Variants in RIT2 observed in about 807,000 individuals in gnomAD.
RIT2 encodes the protein Ras like without CAAX 2, also known as GTP-binding protein Rit2.
RIT2 carries 24 observed loss-of-function variants against 23.7 expected under a neutral mutation model. The observed-to-expected ratio is 1.01, with a 90% CI of 0.73 to 1.43. The LOEUF (loss-of-function observed/expected upper bound fraction) is 1.43, where lower values mean the gene tolerates loss of function less well. RIT2 is among the 40% of genes most tolerant of loss of function. The probability of loss-of-function intolerance (pLI) is 0.00; values close to 1 mark genes in which losing one functional copy is unlikely to be tolerated. For missense variants in RIT2, 236 were observed against 266.9 expected (o/e 0.88, Z 0.81); for synonymous variants, 107 against 91.1 (o/e 1.17, Z -0.99).
At chr18:42,775,140 G>A (rs1380559842) in intron 4 of RIT2, among the ~76,000 whole-genome samples, 1 of 152,104 alleles carries the variant, frequency 6.6e-6, no homozygotes, top group Non-Finnish European at 1.5e-5. Context: ...TCTGACATAT[G>A]CAACCTTCAC....
chr18:42,981,923 T>C (rs993425771), intron 2 of RIT2, among the ~76,000 whole-genome samples: 7 of 152,098 alleles, frequency 4.6e-5, no homozygotes, highest in African/African-American at 1.7e-4. Context: ...TCACAAAGGT[T>C]GTTCATTGTG....
At chr18:43,000,176 G>A (rs1911071620) in intron 2 of RIT2, among the ~76,000 whole-genome samples, 1 of 152,174 alleles carries the variant, frequency 6.6e-6, no homozygotes, top group East Asian at 1.9e-4. Context: ...TGTCTACACT[G>A]ATAAATGGTA....
chr18:42,892,200 C>T (rs1178157025), intron 4 of RIT2, among the ~76,000 whole-genome samples: 1 of 152,140 alleles, frequency 6.6e-6, no homozygotes, highest in Admixed American at 6.6e-5. Flanking sequence ...GTAGCACTTC[C>T]TACCTAGAGT....
intron 4 of RIT2, among the ~76,000 whole-genome samples, chr18:42,852,887 G>A (rs1907093732): frequency 6.8e-6 from 1 of 147,942 alleles, no homozygotes; most frequent in Non-Finnish European, 1.5e-5. Flanking sequence ...AGGCTGGAAT[G>A]CAGTGGTGCA....
chr18:42,822,495 G>A (rs1906180305), intron 4 of RIT2, among the ~76,000 whole-genome samples: 1 of 152,100 alleles, frequency 6.6e-6, no homozygotes, highest in African/African-American at 2.4e-5. Context: ...AGTTTCATCT[G>A]CAATGGTTGG....
At chr18:43,069,790 A>T (rs1255413663) in intron 1 of RIT2, among the ~76,000 whole-genome samples, 1 of 152,026 alleles carries the variant, frequency 6.6e-6, no homozygotes, top group Non-Finnish European at 1.5e-5. Context: ...GTATTCTTTC[A>T]CCAAATATTC....
At chr18:42,799,398 CAAAT>C (rs925027199) in intron 4 of RIT2, among the ~76,000 whole-genome samples, 25 of 152,152 alleles carry the variant, frequency 1.6e-4, no homozygotes, top group Non-Finnish European at 3.1e-4. Flanking sequence ...TTTGAATGCC[CAAAT>C]AAATAACTCT....
intron 3 of RIT2, among the ~76,000 whole-genome samples, chr18:42,954,241 A>G (rs114164931): frequency 0.011 from 1,677 of 151,864 alleles, 31 homozygotes; most frequent in African/African-American, 0.038. Flanking sequence ...AGCCTGGCAT[A>G]GTGGCAGCAC....
At chr18:42,865,734 T>A (rs182579737) in intron 4 of RIT2, among the ~76,000 whole-genome samples, 4 of 152,186 alleles carry the variant, frequency 2.6e-5, no homozygotes, top group Non-Finnish European at 4.4e-5. Flanking sequence ...ACTGCTAATA[T>A]GTTGATGCTA....
At chr18:42,780,460 G>GAC (rs1454420961) in intron 4 of RIT2, among the ~76,000 whole-genome samples, 1 of 152,098 alleles carries the variant, frequency 6.6e-6, no homozygotes, top group Non-Finnish European at 1.5e-5. Flanking sequence ...TCTCTTCTCA[G>GAC]ATCTTAAAAG....
chr18:42,932,299 C>T (rs6507505), intron 3 of RIT2, among the ~76,000 whole-genome samples: 18,260 of 152,084 alleles, frequency 0.12, 1,873 homozygotes, highest in East Asian at 0.59. Flanking sequence ...TGTAACCCCA[C>T]GGTCTCCCTT....
chr18:42,997,598 A>G (rs1400837586), intron 2 of RIT2, among the ~76,000 whole-genome samples: 1 of 152,042 alleles, frequency 6.6e-6, no homozygotes, highest in Non-Finnish European at 1.5e-5. Context: ...CTCGTATCCC[A>G]TATGTGTTGT....
At chr18:42,805,628 T>C (rs1027020974) in intron 4 of RIT2, among the ~76,000 whole-genome samples, 2 of 152,210 alleles carry the variant, frequency 1.3e-5, no homozygotes, top group Non-Finnish European at 2.9e-5. Flanking sequence ...TTGGAAAATA[T>C]TGGCTCACTG....
intron 4 of RIT2, among the ~76,000 whole-genome samples, chr18:42,895,455 A>G (rs931772030): frequency 2.6e-5 from 4 of 152,184 alleles, no homozygotes; most frequent in African/African-American, 9.7e-5. Context: ...TTCCTTTCAA[A>G]TACATATTAT....
intron 1 of RIT2, among the ~76,000 whole-genome samples, chr18:43,106,942 A>C (rs1370960003): frequency 6.6e-6 from 1 of 152,158 alleles, no homozygotes; most frequent in Non-Finnish European, 1.5e-5. Flanking sequence ...GGAAAGCCCA[A>C]GTGATTGAGT....
At chr18:42,796,805 C>T (rs933025810) in intron 4 of RIT2, among the ~76,000 whole-genome samples, 1 of 152,112 alleles carries the variant, frequency 6.6e-6, no homozygotes, top group Non-Finnish European at 1.5e-5. Flanking sequence ...GACTCAGTTG[C>T]CAGAACTGCA....
chr18:42,808,684 C>G (rs1235579706), intron 4 of RIT2, among the ~76,000 whole-genome samples: 2 of 151,860 alleles, frequency 1.3e-5, no homozygotes, highest in Non-Finnish European at 2.9e-5. Context: ...AGAGTTTCCT[C>G]TTTAAACTAC....
In RIT2 at chr18:42,907,985, C is replaced by A. The variant is rs190612971; in HGVS notation, c.426+15587G>T. Among the ~76,000 whole-genome samples the A allele has an allele frequency of 1.4e-3, 213 of 151,078 alleles. 1 individual carries two copies. Among genetic ancestry groups the A allele is most frequent in the South Asian group, 4.0e-3 (19 of 4,786 alleles). Reference sequence around the variant, plus strand: ...CAGAGTGAAAAAAAAAAAATTAAGGCAACCATCATAAAATGCTTCAATAAT... The same window carrying A: ...CAGAGTGAAAAAAAAAAAATTAAGGAAACCATCATAAAATGCTTCAATAAT... On this transcript the variant is annotated intron_variant, in intron 4 of 4. Coordinates refer to ENST00000326695, the MANE Select transcript of RIT2 (RefSeq NM_002930.4).
At chr18:42,948,275 G>A (rs1909773197) in intron 3 of RIT2, among the ~76,000 whole-genome samples, 1 of 152,058 alleles carries the variant, frequency 6.6e-6, no homozygotes, top group South Asian at 2.1e-4. Flanking sequence ...AATGTTCAAA[G>A]GTATTGGCAA....
Sources: gnomAD v4.1 joint callset for allele counts (sites outside exome capture counted in the v4.1 genomes callset) on GRCh38, gnomAD v4.1.1 for gene constraint, MANE v1.5 for transcripts, NCBI Gene and HGNC (gene_info 2026-07-23, HGNC 2026-07-21) for gene names.